TRMT2B: variants seen among roughly 807,000 people sequenced by gnomAD.
TRMT2B encodes the protein tRNA methyltransferase 2B.
A neutral mutation model predicts 39.7 loss-of-function variants in TRMT2B; 34 were observed. That is an observed-to-expected ratio of 0.86 (90% CI 0.65 to 1.14). The LOEUF (loss-of-function observed/expected upper bound fraction) is 1.14. Among genes scored for constraint, TRMT2B ranks in the 50% most tolerant of loss-of-function variants. The pLI is 0.00. For missense variants in TRMT2B, 318 were observed against 377.2 expected (o/e 0.84, Z 1.30); for synonymous variants, 132 against 137.3 (o/e 0.96, Z 0.27).
chrX:100,987,423 A>G, the TRMT2B span: 11 of 1,209,241 alleles, frequency 9.1e-6, no homozygotes, highest in African/African-American at 1.8e-5. Flanking sequence ...CCTTGAAAGA[A>G]GAAACCATCA....
chrX:101,045,310 C>T (rs181212834), intron 2 of TRMT2B, among the ~76,000 whole-genome samples: 6 of 106,570 alleles, frequency 5.6e-5, no homozygotes, highest in Middle Eastern at 5.1e-3. Context: ...CAAAATTAGC[C>T]GCGCATGGTG....
chrX:100,994,462 G>A, the TRMT2B span, among the ~76,000 whole-genome samples: 2 of 111,442 alleles, frequency 1.8e-5, no homozygotes, highest in Non-Finnish European at 3.8e-5. Flanking sequence ...GACAGACCTG[G>A]GCTTTCTGAC....
chrX:100,974,234 T>C, the TRMT2B span: 5 of 1,009,881 alleles, frequency 5.0e-6, no homozygotes, highest in African/African-American at 7.6e-5. Context: ...GGCGTGGGTC[T>C]CCCATGGACC....
chrX:101,037,662 C>T (rs1016803806), intron 5 of TRMT2B: 36 of 283,122 alleles, frequency 1.3e-4, no homozygotes, highest in Middle Eastern at 1.1e-3. Flanking sequence ...TAGACCTGAG[C>T]GTGAATCTCA....
intron 4 of TRMT2B, among the ~76,000 whole-genome samples, chrX:101,039,672 C>T (rs978010662): frequency 9.0e-6 from 1 of 111,412 alleles, no homozygotes; most frequent in Non-Finnish European, 1.9e-5. Context: ...CTGAAGCAGG[C>T]GGATCGCTTG....
In TRMT2B at chrX:101,009,462, AG is replaced by A. The variant is rs1266371892; in HGVS notation, c.*1118del. On this transcript the variant is annotated 3_prime_UTR_variant, in exon 14 of 14. Transcript: ENST00000372936. ...TCTCTCTGAAAATCTCCTTTCCCTT[AG>A]GGTCTCTCCAATAACCAATTCTTCC... The A allele has an allele frequency of 9.2e-6, 1 of 108,775 alleles. No individual in the cohort carries two copies. The highest frequency in any genetic ancestry group is 3.3e-5 in the African/African-American group (1 of 29,892). 9.0% of individuals were successfully genotyped at this position (108,775 alleles called of 1,213,427 possible).
intron 7 of TRMT2B, among the ~76,000 whole-genome samples, chrX:101,032,240 C>G (rs2087517103): frequency 9.2e-6 from 1 of 108,698 alleles, no homozygotes; most frequent in African/African-American, 3.4e-5. Flanking sequence ...GAGCTGAGAT[C>G]ACGCCATTGC....
At chrX:100,974,406 C>A in the TRMT2B span, among the ~76,000 whole-genome samples, 1 of 109,704 alleles carries the variant, frequency 9.1e-6, no homozygotes, top group African/African-American at 3.3e-5. Flanking sequence ...CCTCCCTTCC[C>A]CACATTACAT....
chrX:100,997,768 TGAA>T, the TRMT2B span, among the ~76,000 whole-genome samples: 2 of 112,390 alleles, frequency 1.8e-5, no homozygotes, highest in African/African-American at 6.5e-5. Flanking sequence ...ACCAACATTA[TGAA>T]GGTGACAAAA....
chrX:100,975,571 G>A, the TRMT2B span, among the ~76,000 whole-genome samples: 1 of 110,329 alleles, frequency 9.1e-6, no homozygotes, highest in Non-Finnish European at 1.9e-5. Flanking sequence ...AATATTCATG[G>A]AATGGATGTT....
chrX:101,032,497 G>C (rs1420071695), intron 7 of TRMT2B, among the ~76,000 whole-genome samples: 1 of 107,960 alleles, frequency 9.3e-6, no homozygotes, highest in Non-Finnish European at 1.9e-5. Flanking sequence ...TGAGGCAGGA[G>C]AATTGCTTGA....
the TRMT2B span, chrX:100,973,992 C>A: frequency 1.7e-6 from 1 of 578,374 alleles, no homozygotes; most frequent in Non-Finnish European, 2.8e-6. Context: ...ACTGCTTTGG[C>A]TGGGCCTTTT....
chrX:101,031,919 GGA>G (rs2087490871), intron 7 of TRMT2B, among the ~76,000 whole-genome samples: 1 of 110,979 alleles, frequency 9.0e-6, no homozygotes, highest in Non-Finnish European at 1.9e-5. Context: ...ATGAAAAACA[GGA>G]GAGAGAAATG....
intron 4 of TRMT2B, among the ~76,000 whole-genome samples, chrX:101,039,426 G>A (rs746583514): frequency 5.2e-4 from 58 of 111,879 alleles, no homozygotes; most frequent in African/African-American, 1.9e-4. Context: ...GCTATAACAT[G>A]ACGTAAGTGT....
At chrX:100,987,532 C>A in the TRMT2B span, 12 of 1,211,136 alleles carry the variant, frequency 9.9e-6, no homozygotes, top group Non-Finnish European at 1.3e-5. Flanking sequence ...AACACAGGCT[C>A]TGGAGAAAGA....
intron 2 of TRMT2B, among the ~76,000 whole-genome samples, chrX:101,044,919 A>G (rs1248244872): frequency 9.3e-6 from 1 of 107,399 alleles, no homozygotes; most frequent in Admixed American, 1.0e-4. Context: ...AACCCCAGCT[A>G]CTTGGGAGGC....
downstream of TRMT2B, among the ~76,000 whole-genome samples, chrX:101,008,184 T>C (rs1602488728): frequency 8.9e-6 from 1 of 111,740 alleles, no homozygotes; most frequent in Non-Finnish European, 1.9e-5. Flanking sequence ...GGTAGTTGGA[T>C]ACAGGAATGA....
intron 4 of TRMT2B, among the ~76,000 whole-genome samples, chrX:101,038,371 CAAAAAAAAAAAAA>C (rs57481304): frequency 2.8e-5 from 1 of 35,207 alleles, no homozygotes; most frequent in African/African-American, 9.4e-5. Context: ...AACTCCGTCT[CAAAAAAAAAAAAA>C]AAAAAAAAAA....
Position 101,018,595 on chromosome X carries a change from G to A in TRMT2B, c.1388+376C>T, listed in dbSNP as rs543692678. ...CACCCGAGTAGCTGGGATTACAGGC[G>A]CACGCCACCATGCCCAGCTAATCTT... On this transcript the variant is annotated intron_variant, in intron 13 of 13. Coordinates refer to ENST00000372936, the MANE Select transcript of TRMT2B (RefSeq NM_024917.6). Among the ~76,000 whole-genome samples, 31 of 109,938 alleles carry A rather than the reference G, an allele frequency of 2.8e-4. No homozygotes were observed. The South Asian group carries it at 0.01, about 36-fold the overall frequency.
Sources: allele counts gnomAD v4.1 joint callset (sites outside exome capture counted in the v4.1 genomes callset), GRCh38; gene constraint gnomAD v4.1.1; transcripts MANE v1.5; gene names NCBI Gene and HGNC (gene_info 2026-07-23, HGNC 2026-07-21).